Variants in SV2C observed in about 807,000 individuals in gnomAD.
SV2C encodes the protein synaptic vesicle glycoprotein 2C, also known as solute carrier family 22 member B3.
Under a neutral mutation model 79.7 loss-of-function variants are expected in SV2C, and 49 were observed. The ratio of observed to expected loss-of-function variants is 0.61; its 90% CI spans 0.49 to 0.78. SV2C has a LOEUF of 0.78. Ranked by LOEUF, SV2C falls within the 30% of genes least tolerant of loss-of-function variation. The probability of loss-of-function intolerance (pLI) is 0.00; values close to 1 mark genes in which losing one functional copy is unlikely to be tolerated. For missense variants in SV2C, 833 were observed against 912.9 expected (o/e 0.91, Z 1.13); for synonymous variants, 334 against 333.2 (o/e 1.00, Z -0.03).
At chr5:76,121,147 T>C (rs943125574) in intron 1 of SV2C, among the ~76,000 whole-genome samples, 9 of 151,938 alleles carry the variant, frequency 5.9e-5, no homozygotes, top group African/African-American at 2.2e-4. Context: ...CATGTCTTTT[T>C]TGGCTGCATA....
In SV2C at chr5:76,196,163, C is replaced by G. The variant is rs149442852; in HGVS notation, c.761+1064C>G. On this transcript the variant is annotated intron_variant, in intron 3 of 12. Coordinates refer to ENST00000502798, the MANE Select transcript of SV2C (RefSeq NM_014979.4). Reference sequence around the variant, plus strand: ...AAGAGGTCAGAGGACTATAGCATGTCTTTCTTAATTATGTATAGTAGCATT... The same window carrying G: ...AAGAGGTCAGAGGACTATAGCATGTGTTTCTTAATTATGTATAGTAGCATT... Among the ~76,000 whole-genome samples the G allele has an allele frequency of 1.5e-3, 235 of 152,244 alleles. 1 individual carries two copies. The highest frequency in any genetic ancestry group is 5.5e-3 in the African/African-American group (230 of 41,542).
chr5:76,070,861 T>A, the SV2C span, among the ~76,000 whole-genome samples: 5 of 152,240 alleles, frequency 3.3e-5, no homozygotes, highest in African/African-American at 4.8e-5. Context: ...TTGATGGAAA[T>A]CCTATACCAG....
chr5:75,991,876 T>G, the SV2C span, among the ~76,000 whole-genome samples: 1 of 151,858 alleles, frequency 6.6e-6, no homozygotes, highest in Non-Finnish European at 1.5e-5. Flanking sequence ...CTGCTTATTC[T>G]GGTGTTAGTT....
At chr5:76,349,958 G>A (rs1419428483) in intron 12 of SV2C, among the ~76,000 whole-genome samples, 1 of 152,140 alleles carries the variant, frequency 6.6e-6, no homozygotes, top group East Asian at 1.9e-4. Context: ...CAGTTTTTCT[G>A]TGTCCACACA....
chr5:76,080,844 C>G (rs1746975048), upstream of SV2C, among the ~76,000 whole-genome samples: 1 of 152,164 alleles, frequency 6.6e-6, no homozygotes, highest in Non-Finnish European at 1.5e-5. Context: ...GAAAACATTT[C>G]ATTATAATGA....
chr5:76,025,179 T>TG, the SV2C span, among the ~76,000 whole-genome samples: 2 of 151,870 alleles, frequency 1.3e-5, no homozygotes, highest in Non-Finnish European at 2.9e-5. Context: ...GCACGTTTTT[T>TG]TTTTTTTTTT....
chr5:76,319,631 C>T (rs1469387), intron 12 of SV2C, among the ~76,000 whole-genome samples: 1 of 151,970 alleles, frequency 6.6e-6, no homozygotes, highest in Non-Finnish European at 1.5e-5. Context: ...AGGATTTGAT[C>T]GTCTTTTTCA....
At chr5:76,154,507 G>A (rs144270043) in intron 2 of SV2C, among the ~76,000 whole-genome samples, 141 of 152,284 alleles carry the variant, frequency 9.3e-4, no homozygotes, top group African/African-American at 2.9e-3. Flanking sequence ...TTCAGCATCT[G>A]TCTCAGAGCT....
intron 4 of SV2C, among the ~76,000 whole-genome samples, chr5:76,277,610 CAA>C (rs1747061169): frequency 1.3e-5 from 2 of 152,080 alleles, no homozygotes; most frequent in South Asian, 4.1e-4. Context: ...TCCGTCTCTA[CAA>C]AAAGTTAGCC....
intron 3 of SV2C, among the ~76,000 whole-genome samples, chr5:76,202,014 T>TAAAA (rs1744461372): frequency 2.8e-5 from 1 of 35,186 alleles, no homozygotes; most frequent in African/African-American, 1.1e-4. Flanking sequence ...AGACTCCATC[T>TAAAA]CAAAAAAAAA....
the SV2C span, among the ~76,000 whole-genome samples, chr5:75,995,337 T>C: frequency 1.3e-5 from 2 of 152,072 alleles, no homozygotes; most frequent in African/African-American, 2.4e-5. Flanking sequence ...GAAGTTTCTT[T>C]TTTCCTAGCC....
chr5:76,178,234 TCATTCAAGCAGTTACCC>T (rs1398238026), intron 2 of SV2C, among the ~76,000 whole-genome samples: 7 of 152,346 alleles, frequency 4.6e-5, no homozygotes, highest in Non-Finnish European at 1.0e-4. Flanking sequence ...CATACACTAT[TCATTCAAGCAGTTACCC>T]AGAATCAAGG....
chr5:75,967,992 G>A, the SV2C span, among the ~76,000 whole-genome samples: 3 of 152,122 alleles, frequency 2.0e-5, no homozygotes, highest in Non-Finnish European at 4.4e-5. Flanking sequence ...GAATGATAAG[G>A]CAGCAGCATT....
At chr5:76,348,267 C>G (rs1420224733) in intron 12 of SV2C, among the ~76,000 whole-genome samples, 2 of 151,974 alleles carry the variant, frequency 1.3e-5, no homozygotes, top group African/African-American at 2.4e-5. Flanking sequence ...GGCTTGATAC[C>G]TCATTTCTTT....
the SV2C span, among the ~76,000 whole-genome samples, chr5:76,048,101 C>A: frequency 6.6e-6 from 1 of 152,066 alleles, no homozygotes; most frequent in Non-Finnish European, 1.5e-5. Context: ...ATGTTATACA[C>A]AATAAATACA....
chr5:76,027,628 T>G, the SV2C span, among the ~76,000 whole-genome samples: 1 of 152,222 alleles, frequency 6.6e-6, no homozygotes, highest in Non-Finnish European at 1.5e-5. Context: ...CAGAATACAA[T>G]TATAATCAGT....
chr5:75,960,008 C>T, the SV2C span, among the ~76,000 whole-genome samples: 1 of 151,832 alleles, frequency 6.6e-6, no homozygotes, highest in South Asian at 2.1e-4. Flanking sequence ...TGATATTCAG[C>T]CTTAAGATAT....
intron 4 of SV2C, among the ~76,000 whole-genome samples, chr5:76,232,890 T>G (rs1745472105): frequency 7.0e-6 from 1 of 143,508 alleles, no homozygotes; most frequent in African/African-American, 3.0e-5. Context: ...CCAGCTTTGT[T>G]CTTTTGGATT....
the SV2C span, among the ~76,000 whole-genome samples, chr5:75,946,756 CA>C: frequency 6.6e-6 from 1 of 151,874 alleles, no homozygotes; most frequent in African/African-American, 2.4e-5. Context: ...CAGTGGCTGC[CA>C]GGGGGTAGGG....
Sources: allele counts gnomAD v4.1 joint callset (sites outside exome capture counted in the v4.1 genomes callset), GRCh38; gene constraint gnomAD v4.1.1; transcripts MANE v1.5; gene names NCBI Gene and HGNC (gene_info 2026-07-23, HGNC 2026-07-21).